The following SEC23IP variants were observed in gnomAD, a reference collection of about 807,000 sequenced individuals.
The protein encoded by SEC23IP is SEC23-interacting protein.
In SEC23IP, 70 loss-of-function variants were observed where a neutral mutation model predicts 113.4. The ratio of observed to expected loss-of-function variants is 0.62; its 90% CI spans 0.51 to 0.75. The LOEUF (loss-of-function observed/expected upper bound fraction) is 0.75. SEC23IP is among the 30% of genes least tolerant of loss of function. The probability of loss-of-function intolerance (pLI) is 0.00; values close to 1 mark genes in which losing one functional copy is unlikely to be tolerated. For missense variants in SEC23IP, 1,160 were observed against 1,204.9 expected (o/e 0.96, Z 0.55); for synonymous variants, 398 against 421.0 (o/e 0.95, Z 0.67).
chr10:119,928,908 G>A (rs918922062), intron 13 of SEC23IP, among the ~76,000 whole-genome samples: 1 of 152,230 alleles, frequency 6.6e-6, no homozygotes, highest in African/African-American at 2.4e-5. Flanking sequence ...AAGCTGTGCC[G>A]AGCTCGTGCT....
At chr10:119,893,862 C>G (rs886975143) in intron 1 of SEC23IP, among the ~76,000 whole-genome samples, 3 of 152,196 alleles carry the variant, frequency 2.0e-5, no homozygotes, top group African/African-American at 7.2e-5. Flanking sequence ...GAAGCTGTTT[C>G]TTGTTCTCTT....
At chr10:119,937,289 T>C (rs1181723717) in intron 18 of SEC23IP, among the ~76,000 whole-genome samples, 1 of 152,194 alleles carries the variant, frequency 6.6e-6, no homozygotes, top group Non-Finnish European at 1.5e-5. Flanking sequence ...CCTTATACTT[T>C]GGATTTTTTT....
intron 1 of SEC23IP, among the ~76,000 whole-genome samples, chr10:119,896,736 T>C (rs143396226): frequency 5.9e-5 from 9 of 152,228 alleles, no homozygotes; most frequent in African/African-American, 9.6e-5. Flanking sequence ...TCGGACCAGG[T>C]TGACCTCAAG....
At position 119,940,838 on chromosome 10, in the gene SEC23IP, G is replaced by C. The variant is rs560844349; in HGVS notation, c.*273G>C. ...AAATGATGCCATGAAAAATTCCACAGATCAGTTTAGTTGTATAGTTGTCAA... is the reference window on the plus strand; with the variant it reads ...AAATGATGCCATGAAAAATTCCACACATCAGTTTAGTTGTATAGTTGTCAA... On this transcript the variant is annotated 3_prime_UTR_variant, in exon 19 of 19. Transcript: ENST00000369075. 20 of 152,312 alleles carry C rather than the reference G, an allele frequency of 1.3e-4. No homozygotes were observed. Among genetic ancestry groups the C allele is most frequent in the African/African-American group, 3.6e-4 (15 of 41,560 alleles). 9.4% of individuals were successfully genotyped at this position (152,312 alleles called of 1,614,324 possible). A position where few individuals can be genotyped will look rare whatever the true frequency, so the allele number is the denominator to read the frequency against.
intron 18 of SEC23IP, among the ~76,000 whole-genome samples, chr10:119,934,936 A>G (rs1232213481): frequency 6.6e-6 from 1 of 152,226 alleles, no homozygotes; most frequent in Non-Finnish European, 1.5e-5. Context: ...TAGGAGTTCG[A>G]GACCAGCCTG....
chr10:119,915,447 C>T (rs1281683123), intron 7 of SEC23IP, among the ~76,000 whole-genome samples: 1 of 152,076 alleles, frequency 6.6e-6, no homozygotes, highest in Non-Finnish European at 1.5e-5. Flanking sequence ...GAGCCTGGAG[C>T]CGGCAGTGTG....
chr10:119,902,703 C>G, intron 2 of SEC23IP, 96 bp from the exon 3 acceptor site: 1 of 945,836 alleles, frequency 1.1e-6, no homozygotes, highest in South Asian at 1.5e-5. Context: ...TCCAGATATA[C>G]ATGTAGGATA....
chr10:119,939,917 G>A lies in SEC23IP; in HGVS notation c.*21-669G>A, dbSNP rs892552983. On this transcript the variant is annotated intron_variant, in intron 18 of 18. Coordinates refer to ENST00000369075, the MANE Select transcript of SEC23IP (RefSeq NM_007190.4). ...CCCCCAAGTTGCCCAGGCTGGTCTC[G>A]AACTTCTGAGCTGAGATGATCCACT... Among the ~76,000 whole-genome samples, 10 of 152,106 alleles carry A rather than the reference G, an allele frequency of 6.6e-5. No homozygotes were observed. In the South Asian group the frequency reaches 1.5e-3, roughly 22 times the overall value.
chr10:119,932,463 G>C, intron 16 of SEC23IP, 145 bp downstream of exon 16: 1 of 619,472 alleles, frequency 1.6e-6, no homozygotes, highest in South Asian at 2.2e-5. Flanking sequence ...AAGATAAACT[G>C]TACTGTCAAT....
intron 18 of SEC23IP, among the ~76,000 whole-genome samples, chr10:119,940,056 T>G (rs1246285632): frequency 2.0e-5 from 3 of 152,174 alleles, no homozygotes; most frequent in Non-Finnish European, 4.4e-5. Context: ...GAAGAAATCA[T>G]GCTGGTTAAT....
intron 6 of SEC23IP, 37 bp from the exon 7 acceptor site, chr10:119,914,693 C>CCAT (rs1298841831): frequency 3.9e-6 from 6 of 1,538,602 alleles, no homozygotes; most frequent in Non-Finnish European, 5.4e-6. Context: ...AAACAAATTC[C>CCAT]CATCTTTTAT....
chr10:119,910,952 T>A (rs1413407218), intron 5 of SEC23IP, among the ~76,000 whole-genome samples: 1 of 151,938 alleles, frequency 6.6e-6, no homozygotes, highest in Non-Finnish European at 1.5e-5. Context: ...CCCAAAGTGC[T>A]GAGATTACAG....
In SEC23IP at chr10:119,898,511, T is replaced by A. The variant is rs1160925484; in HGVS notation, c.248T>A (p.Phe83Tyr). 1.2e-6 allele frequency: 2 copies of A among 1,614,038 alleles called. No homozygotes were observed. Among genetic ancestry groups the A allele is most frequent in the South Asian group, 2.2e-5 (2 of 91,080 alleles). ...TCTGCCCCACAGACATTTAGTTACT[T>A]CTCTCAGGTATCAAGCAGCAGTGAT... ...HTSAPQTFSY[F>Y]SQVSSSSDPF... The change falls in exon 2 of 19, where the codon TTC becomes TAC. Residue 83 changes from phenylalanine (F) to tyrosine (Y), a missense_variant. By Grantham distance (22) the Phe-to-Tyr change is conservative. Coordinates refer to ENST00000369075, the MANE Select transcript of SEC23IP (RefSeq NM_007190.4).
chr10:119,930,503 C>A, intron 15 of SEC23IP, 72 bp downstream of exon 15: 1 of 839,034 alleles, frequency 1.2e-6, no homozygotes, highest in Non-Finnish European at 2.0e-6. Context: ...AAAATTTTGA[C>A]ACTAAATCGT....
At chr10:119,899,733 T>C (rs1294112180) in intron 2 of SEC23IP, among the ~76,000 whole-genome samples, 1 of 152,222 alleles carries the variant, frequency 6.6e-6, no homozygotes, top group African/African-American at 2.4e-5. Flanking sequence ...ATGTGGTATA[T>C]AGTTAGTATT....
intron 8 of SEC23IP, among the ~76,000 whole-genome samples, chr10:119,917,160 C>T (rs574509302): frequency 7.2e-5 from 11 of 152,254 alleles, no homozygotes; most frequent in African/African-American, 2.4e-4. Flanking sequence ...TGAGCCACCA[C>T]ATGTGGCAGC....
rs372086678 is a variant in SEC23IP at position 119,932,377 on chromosome 10, A to G, written c.2758+59A>G. The stretch of plus-strand genomic sequence containing the variant: ...AATGTTTCATATGAACATAATACTT[A>G]AAAGTTATATGATGATGCATTTCCT... On this transcript the variant is annotated intron_variant, in intron 16 of 18. Coordinates refer to ENST00000369075, the MANE Select transcript of SEC23IP (RefSeq NM_007190.4). 7.7e-4 allele frequency: 1,014 copies of G among 1,309,572 alleles called. 4 individuals carry two copies. The African/African-American group carries it at 0.013, about 16-fold the overall frequency. 81.1% of individuals were successfully genotyped at this position (1,309,572 alleles called of 1,614,324 possible).
At chr10:119,922,642 G>A (rs1264743270) in intron 12 of SEC23IP, among the ~76,000 whole-genome samples, 1 of 152,138 alleles carries the variant, frequency 6.6e-6, no homozygotes, top group Non-Finnish European at 1.5e-5. Flanking sequence ...GAGATGATAG[G>A]GGTATAAGGT....
chr10:119,913,118 C>T (rs555971518), intron 6 of SEC23IP, among the ~76,000 whole-genome samples: 1 of 152,318 alleles, frequency 6.6e-6, no homozygotes, highest in African/African-American at 2.4e-5. Flanking sequence ...ATCATTCTGC[C>T]CTTACCTCCA....
Sources: allele counts gnomAD v4.1 joint callset (sites outside exome capture counted in the v4.1 genomes callset), GRCh38; gene constraint gnomAD v4.1.1; transcripts MANE v1.5; gene names NCBI Gene and HGNC (gene_info 2026-07-23, HGNC 2026-07-21).